The following BRF1 variants were observed in gnomAD, a reference collection of about 807,000 sequenced individuals.
BRF1 encodes transcription factor IIIB 90 kDa subunit.
BRF1 carries 59 observed loss-of-function variants against 81.7 expected under a neutral mutation model. That is an observed-to-expected ratio of 0.72 (90% CI 0.59 to 0.90). BRF1 has a LOEUF of 0.90. Among genes scored for constraint, BRF1 ranks in the 40% least tolerant of loss-of-function variants. The pLI is 0.00. For synonymous variants in BRF1, 491 were observed against 395.6 expected (o/e 1.24, Z -2.86); for missense variants, 1,050 against 936.3 (o/e 1.12, Z -1.58).
chr14:105,240,983 C>G (rs1219901278), intron 6 of BRF1, among the ~76,000 whole-genome samples: 1 of 152,236 alleles, frequency 6.6e-6, no homozygotes, highest in African/African-American at 2.4e-5. Flanking sequence ...GGCAGGGATG[C>G]CCATGCAGCC....
At chr14:105,265,054 G>GTTTTTTTTTTTTTTTTTTTTT (rs587673120) in intron 3 of BRF1, among the ~76,000 whole-genome samples, 3 of 130,106 alleles carry the variant, frequency 2.3e-5, no homozygotes, top group Admixed American at 7.6e-5. Flanking sequence ...CCTTTTTTTT[G>GTTTTTTTTTTTTTTTTTTTTT]TTTTTTTTTT....
rs191324112 is a variant in BRF1 at position 105,289,693 on chromosome 14, T to C, written c.185-3317A>G. Among the ~76,000 whole-genome samples, 470 of 152,276 alleles carry C rather than the reference T, an allele frequency of 3.1e-3. 3 individuals carry two copies. Among genetic ancestry groups the C allele is most frequent in the African/African-American group, 0.011 (452 of 41,544 alleles). ...CTCTATCGCCCAGGCTGGAGTGTAG[T>C]GGTGCGATCTCGGCTCACTGCAACC... On this transcript the variant is annotated intron_variant, in intron 1 of 17. Coordinates refer to ENST00000547530, the MANE Select transcript of BRF1 (RefSeq NM_001519.4).
At chr14:105,261,977 C>T (rs1478266043) in intron 3 of BRF1, among the ~76,000 whole-genome samples, 1 of 152,270 alleles carries the variant, frequency 6.6e-6, no homozygotes, top group African/African-American at 2.4e-5. Flanking sequence ...CAGCCAACAC[C>T]ACCTGGCACG....
At chr14:105,257,274 C>T (rs1051176906) in intron 3 of BRF1, among the ~76,000 whole-genome samples, 1 of 152,190 alleles carries the variant, frequency 6.6e-6, no homozygotes, top group African/African-American at 2.4e-5. Context: ...ACTGTAGCTT[C>T]GAGAAGTCAC....
At chr14:105,295,396 A>G (rs148218770) in intron 1 of BRF1, among the ~76,000 whole-genome samples, 1 of 151,800 alleles carries the variant, frequency 6.6e-6, no homozygotes, top group African/African-American at 2.4e-5. Flanking sequence ...ACTTGAGCCC[A>G]GGAGTTCCAG....
At chr14:105,248,129 T>C (rs986686002) in intron 5 of BRF1, 7 of 985,344 alleles carry the variant, frequency 7.1e-6, no homozygotes, top group Middle Eastern at 5.2e-4. Flanking sequence ...CGCCTGCCCC[T>C]GTAAAGCCCT....
chr14:105,249,318 C>T (rs1198151507), intron 5 of BRF1: 15 of 1,595,114 alleles, frequency 9.4e-6, no homozygotes, highest in Non-Finnish European at 1.1e-5. Context: ...GACACGCAGC[C>T]TGCGGGAGAG....
chr14:105,241,160 A>C (rs1472342698), intron 6 of BRF1, 105 bp downstream of exon 6: 6 of 1,519,332 alleles, frequency 3.9e-6, no homozygotes, highest in Non-Finnish European at 5.3e-6. Context: ...GGCAGCTCTC[A>C]GTGCTCTGCA....
At chr14:105,301,077 C>A (rs1176937805), upstream of BRF1, 3 of 151,508 alleles carry the variant, frequency 2.0e-5, no homozygotes, top group East Asian at 3.9e-4. Context: ...GTGGGCGACA[C>A]CGGGGACTAG....
intron 7 of BRF1, 62 bp downstream of exon 7, chr14:105,228,758 G>A (rs943002630): frequency 6.3e-7 from 1 of 1,583,136 alleles, no homozygotes; most frequent in Non-Finnish European, 8.7e-7. Flanking sequence ...CTGGCAAGCA[G>A]GCCTGAGCTG....
chr14:105,303,117 TG>T (rs1345701476), upstream of BRF1, among the ~76,000 whole-genome samples: 5 of 152,110 alleles, frequency 3.3e-5, no homozygotes, highest in African/African-American at 1.2e-4. Context: ...TTAGTAGAGA[TG>T]GGGTTTCACC....
chr14:105,211,990 C>A (rs1303285948), intron 16 of BRF1, 123 bp downstream of exon 16: 2 of 1,390,084 alleles, frequency 1.4e-6, no homozygotes, highest in South Asian at 2.5e-5. Context: ...AAGTATGGGG[C>A]AGCAGGGGCA....
chr14:105,216,306 G>C (rs1449997926), intron 15 of BRF1, among the ~76,000 whole-genome samples: 7 of 152,198 alleles, frequency 4.6e-5, no homozygotes, highest in Non-Finnish European at 8.8e-5. Flanking sequence ...GACAGAGGCT[G>C]GCTAGGCAGG....
At chr14:105,281,112 C>G (rs1177080085) in intron 2 of BRF1, among the ~76,000 whole-genome samples, 10 of 116,588 alleles carry the variant, frequency 8.6e-5, no homozygotes, top group South Asian at 6.0e-4. Context: ...TGTGTGGATA[C>G]AGCCTGCGTG....
chr14:105,225,190 G>A (rs980382574), intron 10 of BRF1, among the ~76,000 whole-genome samples: 1 of 152,192 alleles, frequency 6.6e-6, no homozygotes. Context: ...TCCTGCAACA[G>A]CCTCCCTACC....
chr14:105,218,927 T>A (rs1369556938), intron 14 of BRF1, 71 bp downstream of exon 14: 8 of 1,600,526 alleles, frequency 5.0e-6, no homozygotes, highest in Admixed American at 3.4e-5. Flanking sequence ...GGAAGGGACA[T>A]TCCAGAGACA....
chr14:105,293,742 G>T (rs587604966), intron 1 of BRF1, among the ~76,000 whole-genome samples: 1 of 152,286 alleles, frequency 6.6e-6, no homozygotes, highest in South Asian at 2.1e-4. Context: ...GGGTGCCCCG[G>T]GACGCTGGAG....
chr14:105,295,597 T>G (rs1020305152), intron 1 of BRF1, among the ~76,000 whole-genome samples: 1 of 151,194 alleles, frequency 6.6e-6, no homozygotes, highest in Non-Finnish European at 1.5e-5. Context: ...AGCAAGACCC[T>G]AGACCCTGTC....
Position 105,217,208 on chromosome 14 carries a change from A to C in BRF1, c.1772+336T>G, listed in dbSNP as rs587622880. ...GTGCGCAGAGCAGGCACAGGGCGGCAGGGCTGGGGACTCTTCTTCCCGAAC... is the reference window on the plus strand; with the variant it reads ...GTGCGCAGAGCAGGCACAGGGCGGCCGGGCTGGGGACTCTTCTTCCCGAAC... On this transcript the variant is annotated intron_variant, in intron 15 of 17. Coordinates refer to ENST00000547530, the MANE Select transcript of BRF1 (RefSeq NM_001519.4). The C allele has an allele frequency of 7.1e-3, 3,140 of 440,476 alleles. 25 individuals carry two copies. The highest frequency in any genetic ancestry group is 0.015 in the South Asian group (517 of 33,720). 27.3% of individuals were successfully genotyped at this position (440,476 alleles called of 1,614,324 possible).
Sources: allele counts gnomAD v4.1 joint callset (sites outside exome capture counted in the v4.1 genomes callset), GRCh38; gene constraint gnomAD v4.1.1; transcripts MANE v1.5; gene names NCBI Gene and HGNC (gene_info 2026-07-23, HGNC 2026-07-21).